PNPLA7: variants seen among roughly 807,000 people sequenced by gnomAD.
The protein encoded by PNPLA7 is patatin-like phospholipase domain-containing protein 7.
In PNPLA7, 153 loss-of-function variants were observed where a neutral mutation model predicts 161.7. That is an observed-to-expected ratio of 0.95 (90% confidence interval 0.83 to 1.08). The LOEUF (loss-of-function observed/expected upper bound fraction) is 1.08, where lower values mean the gene tolerates loss of function less well. Ranked by LOEUF, PNPLA7 falls within the 50% of genes least tolerant of loss-of-function variation. The pLI is 0.00. For missense variants in PNPLA7, 1,739 were observed against 1,856.6 expected, an observed-to-expected ratio of 0.94 and a Z score of 1.16; for synonymous variants, 809 against 782.1, an observed-to-expected ratio of 1.03 and a Z score of -0.57.
At chr9:137,491,395 G>T in intron 20 of PNPLA7, 2 of 818,732 alleles carry the variant, frequency 2.4e-6, no homozygotes, top group South Asian at 5.6e-5. Flanking sequence ...ACACACAAAA[G>T]ATAAAGATTG....
At position 137,463,503 on chromosome 9, in the gene PNPLA7, G is replaced by A. The variant is rs1212380794; in HGVS notation, c.3255C>T (p.Ser1085=). ...DGSLWWYVRA[S]MSLSGYMPPL... is the part of the protein sequence containing the mutation. ...GGGGCATGTAACCGGACAGGGACAT[G>A]CTGGCACGCACGTACCACCACAGGG... is the stretch of plus-strand genomic sequence containing the variant. The change falls in exon 29 of 35, where the codon AGC becomes AGT. Residue 1085 remains serine (S), a synonymous_variant. Coordinates refer to ENST00000406427, the MANE Select transcript of PNPLA7 (RefSeq NM_001098537.3). 4 of 1,588,250 alleles carry A rather than the reference G, an allele frequency of 2.5e-6. No homozygotes were observed. In the Admixed American group the frequency reaches 7.2e-5, roughly 28 times the overall value.
intron 20 of PNPLA7, among the ~76,000 whole-genome samples, chr9:137,491,055 T>C (rs1469695464): frequency 2.0e-5 from 3 of 151,992 alleles, no homozygotes; most frequent in Non-Finnish European, 4.4e-5. Context: ...GAAACCACAG[T>C]TGATAATTAT....
At chr9:137,489,670 C>G (rs1199257909) in intron 20 of PNPLA7, among the ~76,000 whole-genome samples, 2 of 152,148 alleles carry the variant, frequency 1.3e-5, no homozygotes, top group Non-Finnish European at 2.9e-5. Context: ...AGCAAAGAAA[C>G]AGGAGGCACA....
rs1564378465 is a variant in PNPLA7, at chr9:137,550,189, T to C, written c.9A>G (p.Glu3=). 6.2e-7 allele frequency: 1 copy of C among 1,613,018 alleles called. No individual in the cohort carries two copies. The highest frequency in any genetic ancestry group is 1.7e-5 in the Admixed American group (1 of 60,008). The change falls in exon 1 of 35, where the codon GAA becomes GAG. Residue 3 remains glutamate (E), a synonymous_variant. Coordinates refer to ENST00000406427, the MANE Select transcript of PNPLA7 (RefSeq NM_001098537.3). ME[E]EKDDSPQADF... is the part of the protein sequence containing the mutation. ...ATACCTGTGGGCTGTCATCTTTCTC[T>C]TCCTCCATGGCCAGAAACAGAAAAA...
At chr9:137,479,861 T>G in intron 23 of PNPLA7, 1 of 985,424 alleles carries the variant, frequency 1.0e-6, no homozygotes, top group South Asian at 4.7e-5. Context: ...AGAAGGCTGT[T>G]CCTGTTGGCT....
At chr9:137,469,039 C>T (rs769382461) in intron 25 of PNPLA7, among the ~76,000 whole-genome samples, 16 of 151,796 alleles carry the variant, frequency 1.1e-4, no homozygotes, top group Non-Finnish European at 1.5e-5. Context: ...AGCAAAACTC[C>T]GTCTCAGAAA....
At chr9:137,546,106 CTCTG>C (rs970788229) in intron 4 of PNPLA7, among the ~76,000 whole-genome samples, 4 of 152,176 alleles carry the variant, frequency 2.6e-5, no homozygotes, top group Admixed American at 2.0e-4. Context: ...GTACACCTGG[CTCTG>C]TCTTTTAGAT....
In PNPLA7 at chr9:137,543,452, C is replaced by T. The variant is rs1475272291; in HGVS notation, c.486G>A (p.Leu162=). 1.2e-6 allele frequency: 2 copies of T among 1,614,028 alleles called. No individual in the cohort carries two copies. Among genetic ancestry groups the T allele is most frequent in the Non-Finnish European group, 1.7e-6 (2 of 1,180,048 alleles). Residue 162 remains leucine, a synonymous_variant, in exon 6 of 35, where the codon CTG becomes CTA. Transcript: ENST00000406427. This position sits in a 1 kb window ranked among gnomAD's most constrained non-coding sequence, Gnocchi z 6.9. ...VKNSHLPSEV[L]YMLKNVRVLG... ...CTTACCGAACGTTTTTCAGCATGTA[C>T]AGAACTTCCGATGGCAGGTGAGAAT...
At chr9:137,482,251 T>G (rs1832256952) in intron 21 of PNPLA7, among the ~76,000 whole-genome samples, 1 of 152,230 alleles carries the variant, frequency 6.6e-6, no homozygotes, top group Admixed American at 6.5e-5. Flanking sequence ...CCAAAGGAAC[T>G]GAAAACCTCT....
intron 12 of PNPLA7, among the ~76,000 whole-genome samples, chr9:137,508,331 G>T (rs984794168): frequency 2.6e-5 from 4 of 152,220 alleles, no homozygotes; most frequent in African/African-American, 9.6e-5. Context: ...ACTTTGGGAG[G>T]ACGAGGCGGG....
rs201531280 is a variant in PNPLA7, at chr9:137,542,668, G to A, written c.640C>T (p.Arg214Trp). The change falls in exon 7 of 35, where the codon CGG (arginine) becomes TGG (tryptophan). Residue 214 changes from arginine to tryptophan, a missense_variant. Arg to Trp is a moderately radical substitution (Grantham distance 101). This residue lies in a region of PNPLA7 where 152 missense variants were observed against 193.5 expected (regional missense o/e 0.79). Coordinates refer to ENST00000406427, the MANE Select transcript of PNPLA7 (RefSeq NM_001098537.3). Reference sequence around the variant, plus strand: ...GTGTCCTGGATGCAGACCTCCAGCCGCCCGTCCTGCACCACACAGATGCTG... The same window carrying A: ...GTGTCCTGGATGCAGACCTCCAGCCACCCGTCCTGCACCACACAGATGCTG... The part of the protein sequence containing the change: ...DPSICVVQDG[R>W]LEVCIQDTDG... The A allele has an allele frequency of 6.8e-6, 11 of 1,610,904 alleles. No homozygotes were observed. Among genetic ancestry groups the A allele is most frequent in the Admixed American group, 5.0e-5 (3 of 59,940 alleles).
Position 137,486,682 on chromosome 9 carries a change from G to C in PNPLA7, c.2198-1946C>G, listed in dbSNP as rs113332932. ...CCCGCCCTCAGTCCAACTCAGCACC[G>C]GGAGCCCTGGGCCTCCACCGCCCAG... On this transcript the variant is annotated intron_variant, in intron 20 of 34. Transcript: ENST00000406427. The surrounding 1 kb of genome is among the most constrained non-coding windows in gnomAD (Gnocchi z 6.0). 6.6e-6 allele frequency among the ~76,000 whole-genome samples: 1 copy of C among 151,902 alleles called. No homozygotes were observed. The highest frequency in any genetic ancestry group is 1.5e-5 in the Non-Finnish European group (1 of 67,986).
chr9:137,522,112 C>T (rs192576526), intron 9 of PNPLA7, among the ~76,000 whole-genome samples: 1,667 of 152,262 alleles, frequency 0.011, 8 homozygotes, highest in Non-Finnish European at 0.015. Flanking sequence ...TCTCGCTATG[C>T]CGCCCAGGCT....
intron 11 of PNPLA7, among the ~76,000 whole-genome samples, chr9:137,518,083 C>T (rs1226552047): frequency 9.1e-6 from 1 of 110,496 alleles, no homozygotes; most frequent in Non-Finnish European, 1.8e-5. Flanking sequence ...CTCCATCCCC[C>T]GTCACTCACT....
rs761419674 is a variant in PNPLA7 at position 137,480,319 on chromosome 9, A to G, written c.2573T>C (p.Val858Ala). 2.5e-6 allele frequency: 4 copies of G among 1,612,232 alleles called. No homozygotes were observed. In the East Asian group the frequency reaches 8.9e-5, roughly 36 times the overall value. The change falls in exon 23 of 35, where the codon GTG becomes GCG. Residue 858 changes from valine to alanine, a missense_variant. This residue lies in a region of PNPLA7 where 703 missense variants were observed against 694.6 expected (regional missense o/e 1.01). Coordinates refer to ENST00000406427, the MANE Select transcript of PNPLA7 (RefSeq NM_001098537.3). ...GGCCCTCCCCGTGCTCACCTCGCCC[A>G]CTGTGGGCTCCTGGTCACCCAGGCC... ...IVGLGDQEPTVGELERMLEST... is the reference protein window; with the variant it reads ...IVGLGDQEPTAGELERMLEST...
At position 137,500,818 on chromosome 9, in the gene PNPLA7, A is replaced by AGCAGGT. The variant is rs1176956035; in HGVS notation, c.1624_1629dup (p.Thr542_Cys543dup). 6.2e-7 allele frequency: 1 copy of AGCAGGT among 1,606,646 alleles called. No homozygotes were observed. Among genetic ancestry groups the AGCAGGT allele is most frequent in the African/African-American group, 1.3e-5 (1 of 74,888 alleles). On this transcript the variant is annotated inframe_insertion, in exon 16 of 35. Transcript: ENST00000406427. This position sits in a 1 kb window ranked among gnomAD's most constrained non-coding sequence, Gnocchi z 5.5. ...ATCTCCCCGGGGCGCGTGAGGAACA[A>AGCAGGT]GCAGGTGTCCTCCTGGCTGCCGATC...
intron 16 of PNPLA7, among the ~76,000 whole-genome samples, chr9:137,498,791 C>T (rs1342902132): frequency 6.6e-6 from 1 of 152,094 alleles, no homozygotes; most frequent in Admixed American, 6.5e-5. Context: ...GGGACGTGCC[C>T]AGGGGCTCTG....
chr9:137,533,165 A>T (rs1361752919), intron 8 of PNPLA7, among the ~76,000 whole-genome samples: 2 of 142,674 alleles, frequency 1.4e-5, no homozygotes, highest in African/African-American at 5.3e-5. Flanking sequence ...GACTCCCAGA[A>T]TTCTCCACAA....
In PNPLA7 at chr9:137,547,201, C is replaced by A; in HGVS notation, c.193+108G>T. On this transcript the variant is annotated intron_variant, in intron 3 of 34. Transcript: ENST00000406427. This position sits in a 1 kb window ranked among gnomAD's most constrained non-coding sequence, Gnocchi z 4.6. ...CCCAGACGGGCCATCAGATTCTAGC[C>A]AAAGCCACCATGCGCTTGAGGGCCC... The A allele has an allele frequency of 8.8e-7, 1 of 1,134,192 alleles. No homozygotes were observed. The allele number at this position is 1,134,192 out of a possible 1,614,324, so 70.3% of individuals were successfully genotyped here. A position where few individuals can be genotyped will look rare whatever the true frequency, so the allele number is the denominator to read the frequency against.
Sources: gnomAD v4.1 joint callset for allele counts (sites outside exome capture counted in the v4.1 genomes callset) on GRCh38, gnomAD v4.1.1 for gene constraint, gnomAD v4.1.1 regional missense constraint, Gnocchi (gnomAD v3.1) non-coding constraint, MANE v1.5 for transcripts, NCBI Gene and HGNC (gene_info 2026-07-23, HGNC 2026-07-21) for gene names.